The following CRY2 variants were observed in gnomAD, a reference collection of about 807,000 sequenced individuals.
CRY2 encodes cryptochrome circadian regulator 2.
A neutral mutation model predicts 69.5 loss-of-function variants in CRY2; 31 were observed. The observed-to-expected ratio is 0.45, with a 90% CI of 0.34 to 0.60. The LOEUF is 0.60. Among genes scored for constraint, CRY2 ranks in the 20% least tolerant of loss-of-function variants. The pLI, the probability that CRY2 is intolerant of heterozygous loss-of-function variation, is 0.02. For missense variants in CRY2, 606 were observed against 797.8 expected, an observed-to-expected ratio of 0.76 and a Z score of 2.90; for synonymous variants, 303 against 312.2, an observed-to-expected ratio of 0.97 and a Z score of 0.31.
chr11:45,866,600 G>T (rs1052548013), intron 5 of CRY2, among the ~76,000 whole-genome samples: 11 of 152,198 alleles, frequency 7.2e-5, no homozygotes, highest in African/African-American at 2.7e-4. Context: ...AACCAGCCTT[G>T]TGGTCACCTG....
chr11:45,867,473 C>T (rs897507674), intron 5 of CRY2, 139 bp from the exon 6 acceptor site: 9 of 1,085,638 alleles, frequency 8.3e-6, no homozygotes, highest in Non-Finnish European at 1.2e-5. Flanking sequence ...TCAAAATCGG[C>T]TGGACAAGCA....
chr11:45,864,849 C>T (rs1251083835), intron 5 of CRY2, among the ~76,000 whole-genome samples: 1 of 152,044 alleles, frequency 6.6e-6, no homozygotes, highest in Non-Finnish European at 1.5e-5. Flanking sequence ...GCCTGGTTGA[C>T]AGAATGAGAC....
At chr11:45,878,806 C>A (rs2086443749) in intron 11 of CRY2, among the ~76,000 whole-genome samples, 1 of 150,446 alleles carries the variant, frequency 6.6e-6, no homozygotes, top group Admixed American at 6.6e-5. Context: ...GTAATCCCAG[C>A]CACTTGGGAG....
chr11:45,876,195 T>C (rs1205299635), intron 11 of CRY2, among the ~76,000 whole-genome samples: 1 of 152,224 alleles, frequency 6.6e-6, no homozygotes, highest in Non-Finnish European at 1.5e-5. Context: ...GCCTGAAGGC[T>C]ACATCCTGGG....
chr11:45,870,791 C>T (rs370897806), intron 9 of CRY2, 51 bp from the exon 10 acceptor site: 3 of 1,495,390 alleles, frequency 2.0e-6, no homozygotes, highest in Non-Finnish European at 2.8e-6. Context: ...CCCTGTAGCC[C>T]TCTGCAATCC....
chr11:45,867,771 C>T lies in CRY2; in HGVS notation c.882+19C>T. On this transcript the variant is annotated intron_variant, in intron 6 of 11. Transcript: ENST00000616080. ...TAAAAAGGTAAGGGGGACATACCTGCCCACATTGCACCTAAGGCCTGCAGC... is the reference window on the plus strand; with the variant it reads ...TAAAAAGGTAAGGGGGACATACCTGTCCACATTGCACCTAAGGCCTGCAGC... 6.2e-7 allele frequency: 1 copy of T among 1,613,992 alleles called. No individual in the cohort carries two copies. Among genetic ancestry groups the T allele is most frequent in the Non-Finnish European group, 8.5e-7 (1 of 1,179,978 alleles).
intron 1 of CRY2, among the ~76,000 whole-genome samples, chr11:45,851,074 AT>A (rs2134627053): frequency 6.7e-6 from 1 of 148,232 alleles, no homozygotes; most frequent in Admixed American, 6.8e-5. Flanking sequence ...GCCCTTTCAC[AT>A]TTTCCCCAGC....
intron 5 of CRY2, among the ~76,000 whole-genome samples, chr11:45,863,140 G>C (rs2086301354): frequency 6.6e-6 from 1 of 152,144 alleles, no homozygotes; most frequent in Non-Finnish European, 1.5e-5. Flanking sequence ...CTTCAGCCTG[G>C]GACGAAAGCA....
At chr11:45,847,850 T>A (rs755132920) in intron 1 of CRY2, 145 bp downstream of exon 1, 7 of 1,191,188 alleles carry the variant, frequency 5.9e-6, no homozygotes. Flanking sequence ...TTCGTCATGG[T>A]CCTAACGCGC....
At chr11:45,865,898 G>A (rs577235127) in intron 5 of CRY2, among the ~76,000 whole-genome samples, 3 of 152,210 alleles carry the variant, frequency 2.0e-5, no homozygotes, top group African/African-American at 4.8e-5. Flanking sequence ...TGGTCCCAGC[G>A]TGGAGAATGA....
At chr11:45,879,960 C>T (rs978721810) in intron 11 of CRY2, among the ~76,000 whole-genome samples, 1 of 152,216 alleles carries the variant, frequency 6.6e-6, no homozygotes, top group Non-Finnish European at 1.5e-5. Context: ...CCTTTAAGGA[C>T]ACCAGTCATA....
At chr11:45,849,696 C>T (rs971515355) in intron 1 of CRY2, among the ~76,000 whole-genome samples, 1 of 150,502 alleles carries the variant, frequency 6.6e-6, no homozygotes, top group Non-Finnish European at 1.5e-5. Context: ...TCTGGACTCA[C>T]TGCAACCTCC....
intron 11 of CRY2, among the ~76,000 whole-genome samples, chr11:45,878,920 T>TAAAAA (rs57461093): frequency 2.0e-5 from 1 of 49,362 alleles, no homozygotes; most frequent in African/African-American, 1.1e-4. Context: ...CTCCATCTAT[T>TAAAAA]AAAAAAAAAA....
intron 11 of CRY2, among the ~76,000 whole-genome samples, chr11:45,873,651 G>A (rs2134648660): frequency 6.6e-6 from 1 of 152,302 alleles, no homozygotes; most frequent in African/African-American, 2.4e-5. Context: ...GGTGAAGAAG[G>A]GGGAGCATTA....
Position 45,878,290 on chromosome 11 carries a change from G to A in CRY2, c.*3-2624G>A, listed in dbSNP as rs919618805. Among the ~76,000 whole-genome samples, 4 of 152,156 alleles carry A rather than the reference G, an allele frequency of 2.6e-5. No homozygotes were observed. In the South Asian group the frequency reaches 8.3e-4, roughly 32 times the overall value. ...AAGGCCCAGGAACCCCAGATTAACA[G>A]CAGTTATTCTAAGGAATCTTCATGC... On this transcript the variant is annotated intron_variant, in intron 11 of 11. Coordinates refer to ENST00000616080, the MANE Select transcript of CRY2 (RefSeq NM_021117.5).
rs747202936 is a variant in CRY2, at chr11:45,881,553, C to A, written c.*642C>A. The A allele has an allele frequency of 3.3e-5, 5 of 152,298 alleles. No homozygotes were observed. The highest frequency in any genetic ancestry group is 9.6e-5 in the African/African-American group (4 of 41,466). 9.4% of individuals were successfully genotyped at this position (152,298 alleles called of 1,614,324 possible). On this transcript the variant is annotated 3_prime_UTR_variant, in exon 12 of 12. Transcript: ENST00000616080. Reference sequence around the variant, plus strand: ...ACTGAGCATGAGGCCATAGACAGATCTAAAAAGTTTCCACCACCCTACAGA... The same window carrying A: ...ACTGAGCATGAGGCCATAGACAGATATAAAAAGTTTCCACCACCCTACAGA...
chr11:45,877,943 T>C (rs2086436551), intron 11 of CRY2, among the ~76,000 whole-genome samples: 1 of 152,218 alleles, frequency 6.6e-6, no homozygotes, highest in African/African-American at 2.4e-5. Flanking sequence ...GAAACCATCA[T>C]AGAGGGACTT....
Position 45,872,109 on chromosome 11 carries a change from A to C in CRY2, c.1660A>C (p.Ser554Arg), listed in dbSNP as rs1423058462. 1.2e-6 allele frequency: 2 copies of C among 1,614,040 alleles called. No homozygotes were observed. ...MSSAGPRPLP[S>R]GPASPKRKLE... ...CCCTACAGGCCCAAGACCACTACCC[A>C]GTGGCCCAGCATCCCCCAAACGCAA... The change falls in exon 11 of 12, where the codon AGT becomes CGT. Residue 554 changes from serine to arginine, a missense_variant. Physicochemically the swap from Ser to Arg is moderately radical, Grantham distance 110. Transcript: ENST00000616080.
At position 45,860,882 on chromosome 11, in the gene CRY2, A is replaced by G; in HGVS notation, c.502A>G (p.Thr168Ala). ...GCTGAATGGGCAGAAGCCACCCCTT[A>G]CATACAAGCGCTTTCAGGCCATCAT... ...IELNGQKPPL[T>A]YKRFQAIISR... Residue 168 changes from threonine (T) to alanine (A), a missense_variant, in exon 4 of 12, where the codon ACA becomes GCA. Thr to Ala is a moderately conservative substitution (Grantham distance 58, BLOSUM62 0). Transcript: ENST00000616080. 1.2e-6 allele frequency: 2 copies of G among 1,614,098 alleles called. No individual in the cohort carries two copies. Among genetic ancestry groups the G allele is most frequent in the Non-Finnish European group, 1.7e-6 (2 of 1,180,026 alleles).
Sources: gnomAD v4.1 joint callset for allele counts (sites outside exome capture counted in the v4.1 genomes callset) on GRCh38, gnomAD v4.1.1 for gene constraint, MANE v1.5 for transcripts, NCBI Gene and HGNC (gene_info 2026-07-23, HGNC 2026-07-21) for gene names.